The following ARHGEF2 variants were observed in gnomAD, a reference collection of about 807,000 sequenced individuals.
ARHGEF2 encodes the protein rho guanine nucleotide exchange factor 2.
In ARHGEF2, 22 loss-of-function variants were observed where a neutral mutation model predicts 121.0. The ratio of observed to expected loss-of-function variants is 0.18; its 90% CI spans 0.13 to 0.26. The LOEUF is 0.26. Among genes scored for constraint, ARHGEF2 ranks in the 10% least tolerant of loss-of-function variants. ARHGEF2 has a pLI of 1.00. For synonymous variants in ARHGEF2, 487 were observed against 530.0 expected (o/e 0.92, Z 1.11); for missense variants, 907 against 1,336.0 (o/e 0.68, Z 5.01).
At position 155,950,967 on chromosome 1, in the gene ARHGEF2, C is replaced by T. The variant is rs754231306; in HGVS notation, c.2565G>A (p.Glu855=). ...ARALLEREAE[E]ARRQLAALGQ... ...CCAGGGCGGCCAGCTGCCTTCGAGC[C>T]TCTTCGGCCTCACGCTCCAGCAGTG... The change falls in exon 20 of 22, where the codon GAG becomes GAA. Residue 855 remains glutamate, a synonymous_variant. Transcript: ENST00000361247. This position sits in a 1 kb window ranked among gnomAD's most constrained non-coding sequence, Gnocchi z 5.2. The T allele has an allele frequency of 1.9e-6, 3 of 1,608,474 alleles. No homozygotes were observed. The highest frequency in any genetic ancestry group is 2.5e-6 in the Non-Finnish European group (3 of 1,177,494).
rs1572054955 is a variant in ARHGEF2 at position 155,951,642 on chromosome 1, A to T, written c.2208+99T>A. ...CAGTAGGATCCGGAGACATACTTGAATGTAGACGCTTTCCCCACCCCACTC... is the reference window on the plus strand; with the variant it reads ...CAGTAGGATCCGGAGACATACTTGATTGTAGACGCTTTCCCCACCCCACTC... On this transcript the variant is annotated intron_variant, in intron 18 of 21. Coordinates refer to ENST00000361247, the MANE Select transcript of ARHGEF2 (RefSeq NM_001162383.2). This position sits in a 1 kb window ranked among gnomAD's most constrained non-coding sequence, Gnocchi z 5.1. 1 of 1,605,914 alleles carries T rather than the reference A, an allele frequency of 6.2e-7. No homozygotes were observed. The highest frequency in any genetic ancestry group is 2.2e-5 in the East Asian group (1 of 44,820).
chr1:155,969,400 C>T, intron 1 of ARHGEF2, 100 bp from the exon 2 acceptor site: 1 of 1,552,196 alleles, frequency 6.4e-7, no homozygotes, highest in Non-Finnish European at 8.7e-7. Flanking sequence ...GAAAAAATGC[C>T]AGCCTGAGGA....
At chr1:155,959,923 A>C (rs1677541230) in intron 11 of ARHGEF2, among the ~76,000 whole-genome samples, 2 of 152,124 alleles carry the variant, frequency 1.3e-5, no homozygotes, top group Admixed American at 1.3e-4. Context: ...TATCTGACCT[A>C]AATTCTCCCT....
rs768368724 is a variant in ARHGEF2 at position 155,951,013 on chromosome 1, C to A, written c.2519G>T (p.Arg840Leu). Residue 840 changes from arginine (R) to leucine (L), a missense_variant, in exon 20 of 22, where the codon CGG becomes CTG. Physicochemically the swap from Arg to Leu is moderately radical, Grantham distance 102. This residue lies in a region of ARHGEF2 where 432 missense variants were observed against 559.5 expected (regional missense o/e 0.77). Transcript: ENST00000361247. This position sits in a 1 kb window ranked among gnomAD's most constrained non-coding sequence, Gnocchi z 5.1. ...TEAGSLEARL[R>L]ESEQARALLE... ...CAGTGCCCGGGCCTGCTCACTCTCC[C>A]GGAGCCGGGCCTCCAGGCTGCCAGC... 6.2e-7 allele frequency: 1 copy of A among 1,606,248 alleles called. No individual in the cohort carries two copies. Among genetic ancestry groups the A allele is most frequent in the Non-Finnish European group, 8.5e-7 (1 of 1,177,998 alleles).
Position 155,962,119 on chromosome 1 carries a change from A to C in ARHGEF2, c.1205T>G (p.Leu402Arg). The change falls in exon 10 of 22, where the codon CTG becomes CGG. Residue 402 changes from leucine to arginine, a missense_variant. By Grantham distance (102) the Leu-to-Arg change is moderately radical. This residue lies in a region of ARHGEF2 where 475 missense variants were observed against 776.5 expected (regional missense o/e 0.61). Coordinates refer to ENST00000361247, the MANE Select transcript of ARHGEF2 (RefSeq NM_001162383.2). This position sits in a 1 kb window ranked among gnomAD's most constrained non-coding sequence, Gnocchi z 5.8. Reference sequence around the variant, plus strand: ...TGCCTACTCACCGTGGGAATGCTGCAGGATGCGGCTGATGAGTAACGGGTA... The same window carrying C: ...TGCCTACTCACCGTGGGAATGCTGCCGGATGCGGCTGATGAGTAACGGGTA... The part of the protein sequence containing the change: ...TKYPLLISRI[L>R]QHSHGIEEER... 1 of 1,614,208 alleles carries C rather than the reference A, an allele frequency of 6.2e-7. No homozygotes were observed.
intron 7 of ARHGEF2, among the ~76,000 whole-genome samples, chr1:155,964,174 A>ATAGG: frequency 1.3e-5 from 1 of 78,710 alleles, no homozygotes; most frequent in African/African-American, 7.8e-5. Flanking sequence ...AAAAATATAT[A>ATAGG]TATATATATA....
At chr1:155,973,696 A>C (rs1680842341) in intron 1 of ARHGEF2, among the ~76,000 whole-genome samples, 1 of 151,954 alleles carries the variant, frequency 6.6e-6, no homozygotes, top group South Asian at 2.1e-4. Flanking sequence ...CAGTGAGCCA[A>C]GATCATGCCA....
intron 1 of ARHGEF2, among the ~76,000 whole-genome samples, chr1:155,976,577 G>A (rs1371327276): frequency 1.3e-5 from 2 of 149,720 alleles, no homozygotes; most frequent in East Asian, 3.9e-4. Context: ...CCACAATAAT[G>A]GAAAAGGGAT....
chr1:155,978,882 C>T (rs1343365561), upstream of ARHGEF2: 10 of 987,918 alleles, frequency 1.0e-5, no homozygotes, highest in Middle Eastern at 5.1e-4. This position sits in a 1 kb window ranked among gnomAD's most constrained non-coding sequence, Gnocchi z 4.1. Flanking sequence ...TCTCCCCTCG[C>T]CCTCCCTTTT....
chr1:155,962,852 C>T lies in ARHGEF2; in HGVS notation c.975+81G>A. The T allele has an allele frequency of 6.2e-7, 1 of 1,602,220 alleles. No homozygotes were observed. The highest frequency in any genetic ancestry group is 8.5e-7 in the Non-Finnish European group (1 of 1,172,806). On this transcript the variant is annotated intron_variant, in intron 8 of 21. Transcript: ENST00000361247. The surrounding 1 kb of genome is among the most constrained non-coding windows in gnomAD (Gnocchi z 5.8). ...GCTCTCCCTGGCTCCCCTCCAACCC[C>T]TAGAATTTGGACCCAAGAAATGCCC...
chr1:155,951,310 C>T lies in ARHGEF2; in HGVS notation c.2260-38G>A. On this transcript the variant is annotated intron_variant, in intron 19 of 21. Transcript: ENST00000361247. This position sits in a 1 kb window ranked among gnomAD's most constrained non-coding sequence, Gnocchi z 5.1. ...TGCAGGCAGAAGGGTTTATCAGAAC[C>T]CCTGTGCTCTTCTACCCCTCGCCTT... 1 of 1,572,984 alleles carries T rather than the reference C, an allele frequency of 6.4e-7. No individual in the cohort carries two copies. Among genetic ancestry groups the T allele is most frequent in the Non-Finnish European group, 8.6e-7 (1 of 1,156,324 alleles).
Position 155,965,247 on chromosome 1 carries a change from AT to A in ARHGEF2, c.580+55del, listed in dbSNP as rs1679130249. The A allele has an allele frequency of 6.2e-7, 1 of 1,606,406 alleles. No individual in the cohort carries two copies. ...TCCAGGCTACTCCCACCAGCCTCTC[AT>A]CCCCCAGCCCCTCTTCATGTTCCTC... On this transcript the variant is annotated intron_variant, in intron 6 of 21. Coordinates refer to ENST00000361247, the MANE Select transcript of ARHGEF2 (RefSeq NM_001162383.2). This position sits in a 1 kb window ranked among gnomAD's most constrained non-coding sequence, Gnocchi z 6.0.
At chr1:155,948,100 AGGCTCAGGG>A in intron 21 of ARHGEF2, 85 bp from the exon 22 acceptor site, 1 of 1,075,788 alleles carries the variant, frequency 9.3e-7, no homozygotes, top group Non-Finnish European at 1.4e-6. Context: ...CCCCATCTGC[AGGCTCAGGG>A]GGCTCTGGGG....
chr1:155,954,812 A>G, intron 14 of ARHGEF2, 90 bp downstream of exon 14: 1 of 1,266,814 alleles, frequency 7.9e-7, no homozygotes, highest in Non-Finnish European at 1.1e-6. Flanking sequence ...CAGCCCTCAT[A>G]GAGCCATCTC....
chr1:155,969,632 C>G lies in ARHGEF2; in HGVS notation c.64-332G>C. 4.3e-6 allele frequency: 5 copies of G among 1,157,312 alleles called. No individual in the cohort carries two copies. The South Asian group carries it at 1.2e-4, about 28-fold the overall frequency. The allele number at this position is 1,157,312 out of a possible 1,614,324, so 71.7% of individuals were successfully genotyped here. On this transcript the variant is annotated intron_variant, in intron 1 of 21. Transcript: ENST00000361247. ...CCTTCCCAGCCCTAGCTCTGCTCAC[C>G]CCCGAGCTGCTGTACTCTCTTCTCT...
upstream of ARHGEF2, chr1:155,979,344 G>A (rs1681907383): frequency 2.0e-6 from 2 of 985,194 alleles, no homozygotes; most frequent in African/African-American, 1.7e-5. Context: ...CCAGAAACCA[G>A]CCTGCCCTAG....
chr1:155,962,490 G>T lies in ARHGEF2; in HGVS notation c.1101+103C>A. The T allele has an allele frequency of 6.6e-7, 1 of 1,524,306 alleles. No individual in the cohort carries two copies. The highest frequency in any genetic ancestry group is 1.2e-5 in the South Asian group (1 of 80,828). 94.4% of individuals were successfully genotyped at this position (1,524,306 alleles called of 1,614,324 possible). Reference sequence around the variant, plus strand: ...TGTATGGATGGTCTGCACGGGTGGCGAATGCCTGACCTCCATGTGGGTGCA... The same window carrying T: ...TGTATGGATGGTCTGCACGGGTGGCTAATGCCTGACCTCCATGTGGGTGCA... On this transcript the variant is annotated intron_variant, in intron 9 of 21. Transcript: ENST00000361247. This position sits in a 1 kb window ranked among gnomAD's most constrained non-coding sequence, Gnocchi z 5.8.
At position 155,962,258 on chromosome 1, in the gene ARHGEF2, G is replaced by A; in HGVS notation, c.1102-36C>T. On this transcript the variant is annotated intron_variant, in intron 9 of 21. Transcript: ENST00000361247. This position sits in a 1 kb window ranked among gnomAD's most constrained non-coding sequence, Gnocchi z 5.8. ...GGAGGCAGGGCTCAGGGCCAGAGGG[G>A]AGGGCAACAGAAAGGCCTGGGGCCT... The A allele has an allele frequency of 6.3e-7, 1 of 1,595,126 alleles. No individual in the cohort carries two copies. Among genetic ancestry groups the A allele is most frequent in the Non-Finnish European group, 8.6e-7 (1 of 1,164,444 alleles).
intron 13 of ARHGEF2, among the ~76,000 whole-genome samples, chr1:155,956,859 G>A (rs1490844875): frequency 6.8e-6 from 1 of 147,290 alleles, no homozygotes; most frequent in Non-Finnish European, 1.5e-5. Context: ...AGGAGGCTGA[G>A]GCAGCCCGGC....
Sources: allele counts gnomAD v4.1 joint callset (sites outside exome capture counted in the v4.1 genomes callset), GRCh38; gene constraint gnomAD v4.1.1; regional missense constraint gnomAD v4.1.1; non-coding constraint Gnocchi (gnomAD v3.1); transcripts MANE v1.5; gene names NCBI Gene and HGNC (gene_info 2026-07-23, HGNC 2026-07-21).